NLRP11: variants seen among roughly 807,000 people sequenced by gnomAD.
NLRP11 encodes the protein NACHT, LRR and PYD domains-containing protein 11.
A neutral mutation model predicts 79.3 loss-of-function variants in NLRP11; 53 were observed. The observed-to-expected ratio is 0.67, with a 90% confidence interval of 0.54 to 0.84. The LOEUF (loss-of-function observed/expected upper bound fraction) is 0.84, where lower values mean the gene tolerates loss of function less well. Ranked by LOEUF, NLRP11 falls within the 40% of genes least tolerant of loss-of-function variation. The pLI, the probability that NLRP11 is intolerant of heterozygous loss-of-function variation, is 0.00. For missense variants in NLRP11, 1,264 were observed against 1,255.0 expected, an observed-to-expected ratio of 1.01 and a Z score of -0.11; for synonymous variants, 518 against 462.6, an observed-to-expected ratio of 1.12 and a Z score of -1.54.
intron 2 of NLRP11, among the ~76,000 whole-genome samples, chr19:55,813,445 C>T (rs1005316644): frequency 6.6e-6 from 1 of 152,202 alleles, no homozygotes; most frequent in Non-Finnish European, 1.5e-5. Context: ...CTACCAATTT[C>T]CTGTCCCAAA....
chr19:55,832,488 C>T (rs1568648698), upstream of NLRP11, among the ~76,000 whole-genome samples: 2 of 152,212 alleles, frequency 1.3e-5, no homozygotes, highest in South Asian at 4.1e-4. Context: ...CTAGATCCTC[C>T]ACCCGGGGGG....
chr19:55,791,246 G>C (rs1037722554), intron 7 of NLRP11, among the ~76,000 whole-genome samples: 1 of 152,026 alleles, frequency 6.6e-6, no homozygotes, highest in Admixed American at 6.6e-5. Context: ...GAGTGAATTT[G>C]TCTCAACCTA....
chr19:55,836,322 T>A (rs187791723), upstream of NLRP11: 1 of 152,242 alleles, frequency 6.6e-6, no homozygotes, highest in East Asian at 1.9e-4. Context: ...GCCCTGGGAA[T>A]TCTCAATAGG....
intron 1 of NLRP11, among the ~76,000 whole-genome samples, chr19:55,823,290 A>C (rs1278413692): frequency 1.5e-5 from 2 of 135,916 alleles, no homozygotes; most frequent in East Asian, 4.5e-4. Flanking sequence ...GACCAAAAGT[A>C]GATAAAACCA....
chr19:55,835,147 T>C (rs1227638358), upstream of NLRP11, among the ~76,000 whole-genome samples: 2 of 152,132 alleles, frequency 1.3e-5, no homozygotes, highest in African/African-American at 4.8e-5. Context: ...CACTCCTTGA[T>C]GTGTATATTT....
chr19:55,813,874 C>G (rs78791379), intron 2 of NLRP11, among the ~76,000 whole-genome samples: 3,039 of 152,256 alleles, frequency 0.02, 129 homozygotes, highest in African/African-American at 0.07. Context: ...AGCCTTCTCT[C>G]AAACTTGGGT....
In NLRP11 at chr19:55,809,139, C is replaced by G. The variant is rs1980312088; in HGVS notation, c.1471G>C (p.Val491Leu). 2.5e-6 allele frequency: 4 copies of G among 1,613,942 alleles called. No individual in the cohort carries two copies. In the East Asian group the frequency reaches 6.7e-5, roughly 27 times the overall value. Residue 491 changes from valine (V) to leucine (L), a missense_variant, in exon 3 of 10, where the codon GTG (valine) becomes CTG (leucine). Transcript: ENST00000589093. This position sits in a 1 kb window ranked among gnomAD's most constrained non-coding sequence, Gnocchi z 4.5. The stretch of plus-strand genomic sequence containing the variant: ...AGAAGACCAAAAATGAAAGTAAACA[C>G]TTGATTAAAGTCAGAGTATTGTTCT...
intron 1 of NLRP11, among the ~76,000 whole-genome samples, chr19:55,829,649 A>G (rs1274464861): frequency 7.9e-6 from 1 of 126,620 alleles, no homozygotes; most frequent in Admixed American, 9.1e-5. Flanking sequence ...CCTGGGCGAG[A>G]CTCCGTCTCA....
chr19:55,797,993 A>T (rs1408958655), intron 5 of NLRP11, among the ~76,000 whole-genome samples: 1 of 136,970 alleles, frequency 7.3e-6, no homozygotes, highest in African/African-American at 2.7e-5. Context: ...ATTCTATATT[A>T]TTATTATTTT....
At chr19:55,823,030 A>G (rs902542524) in intron 1 of NLRP11, among the ~76,000 whole-genome samples, 1 of 150,198 alleles carries the variant, frequency 6.7e-6, no homozygotes, top group Non-Finnish European at 1.5e-5. Flanking sequence ...AGCTTTGAAG[A>G]GAGCAGTGGT....
intron 6 of NLRP11, among the ~76,000 whole-genome samples, chr19:55,795,446 C>T (rs934607992): frequency 2.6e-5 from 4 of 152,136 alleles, no homozygotes; most frequent in African/African-American, 9.7e-5. Context: ...AAGTCAGTTG[C>T]TATGGCCTAG....
Position 55,792,476 on chromosome 19 carries a change from AC to A in NLRP11, c.2343-6del. 6.2e-7 allele frequency: 1 copy of A among 1,613,416 alleles called. No homozygotes were observed. The highest frequency in any genetic ancestry group is 8.5e-7 in the Non-Finnish European group (1 of 1,179,436). Reference sequence around the variant, plus strand: ...GTGAGACAGCAGAAGACTAACCTGCACACAGAGAAGAGTGAGTCAGTGACAG... The same window carrying A: ...GTGAGACAGCAGAAGACTAACCTGCAACAGAGAAGAGTGAGTCAGTGACAG... On this transcript the variant is annotated splice_polypyrimidine_tract_variant and splice_region_variant and intron_variant, in intron 6 of 9. Coordinates refer to ENST00000589093, the Ensembl canonical transcript of NLRP11.
chr19:55,807,822 C>G (rs201118631), intron 4 of NLRP11, 31 bp downstream of exon 4: 1 of 1,492,570 alleles, frequency 6.7e-7, no homozygotes, highest in Non-Finnish European at 9.2e-7. Context: ...CCTAGGGGAA[C>G]CTCTAAGGCA....
At chr19:55,806,492 G>A (rs1269448254) in intron 4 of NLRP11, among the ~76,000 whole-genome samples, 1 of 152,074 alleles carries the variant, frequency 6.6e-6, no homozygotes, top group Non-Finnish European at 1.5e-5. Flanking sequence ...GTCAACATAT[G>A]CCCCGGAGTT....
At chr19:55,812,834 C>A (rs1021856701) in intron 2 of NLRP11, among the ~76,000 whole-genome samples, 30 of 152,090 alleles carry the variant, frequency 2.0e-4, no homozygotes, top group Admixed American at 1.3e-4. Flanking sequence ...TCCATTTCTC[C>A]CTTGTCACCT....
intron 5 of NLRP11, 63 bp from the exon 6 acceptor site, chr19:55,796,313 T>TAA (rs35540760): frequency 9.3e-3 from 9,419 of 1,009,428 alleles, no homozygotes; most frequent in South Asian, 0.013. Flanking sequence ...TCTTTTAAAT[T>TAA]AAAAAAAAAA....
chr19:55,796,814 G>A (rs982653932), intron 5 of NLRP11, among the ~76,000 whole-genome samples: 1 of 151,704 alleles, frequency 6.6e-6, no homozygotes. Context: ...TCGGCCTCCC[G>A]AGTAGCTGGG....
intron 4 of NLRP11, among the ~76,000 whole-genome samples, chr19:55,803,233 A>G (rs1979653771): frequency 6.6e-6 from 1 of 151,986 alleles, no homozygotes; most frequent in African/African-American, 2.4e-5. Flanking sequence ...TGTAGTCTCA[A>G]CTACTTGGGA....
At chr19:55,827,360 G>A (rs1169232358) in intron 1 of NLRP11, among the ~76,000 whole-genome samples, 1 of 149,126 alleles carries the variant, frequency 6.7e-6, no homozygotes, top group African/African-American at 2.5e-5. Context: ...CATGGCCAAG[G>A]ACTTCATGTC....
Sources: allele counts gnomAD v4.1 joint callset (sites outside exome capture counted in the v4.1 genomes callset), GRCh38; gene constraint gnomAD v4.1.1; non-coding constraint Gnocchi (gnomAD v3.1); transcripts MANE v1.5; gene names NCBI Gene and HGNC (gene_info 2026-07-23, HGNC 2026-07-21).